IL1RAPL2: variants seen among roughly 807,000 people sequenced by gnomAD.
IL1RAPL2 encodes interleukin 1 receptor accessory protein like 2.
A neutral mutation model predicts 44.1 loss-of-function variants in IL1RAPL2; 3 were observed. The ratio of observed to expected loss-of-function variants is 0.07; its 90% confidence interval spans 0.03 to 0.18. The LOEUF is 0.18. Ranked by LOEUF, IL1RAPL2 falls within the 10% of genes least tolerant of loss-of-function variation. The probability of loss-of-function intolerance (pLI) is 1.00; values close to 1 mark genes in which losing one functional copy is unlikely to be tolerated. For synonymous variants in IL1RAPL2, 181 were observed against 178.8 expected (o/e 1.01, Z -0.10); for missense variants, 391 against 496.4 (o/e 0.79, Z 2.02).
At chrX:105,739,781 C>A (rs2038482822) in intron 7 of IL1RAPL2, among the ~76,000 whole-genome samples, 1 of 98,737 alleles carries the variant, frequency 1.0e-5, no homozygotes, top group African/African-American at 3.7e-5. Context: ...CAAGTCTTTG[C>A]TATTGTGAAT....
At chrX:105,447,889 AAT>A (rs1185844070) in intron 5 of IL1RAPL2, among the ~76,000 whole-genome samples, 1 of 94,887 alleles carries the variant, frequency 1.1e-5, no homozygotes. Context: ...TAAATATATA[AAT>A]ATATATAAAT....
intron 1 of IL1RAPL2, among the ~76,000 whole-genome samples, chrX:104,591,570 A>G (rs966635702): frequency 2.7e-5 from 3 of 109,941 alleles, no homozygotes; most frequent in African/African-American, 6.6e-5. Context: ...GTATAAGGCA[A>G]TTGTGTTGGT....
At chrX:104,919,599 T>A (rs1221001363) in intron 2 of IL1RAPL2, among the ~76,000 whole-genome samples, 3 of 104,840 alleles carry the variant, frequency 2.9e-5, no homozygotes, top group African/African-American at 3.5e-5. Flanking sequence ...GGTGCGATCT[T>A]GGCTCACTGC....
intron 6 of IL1RAPL2, among the ~76,000 whole-genome samples, chrX:105,609,695 T>G (rs1280833289): frequency 9.1e-6 from 1 of 110,258 alleles, no homozygotes. Flanking sequence ...AGCGAGTGAG[T>G]GATGAAGAGG....
chrX:105,362,630 C>T (rs919830266), intron 5 of IL1RAPL2, among the ~76,000 whole-genome samples: 1 of 110,587 alleles, frequency 9.0e-6, no homozygotes, highest in Non-Finnish European at 1.9e-5. Context: ...ACTAAAATAT[C>T]GCTTATGCCT....
intron 4 of IL1RAPL2, among the ~76,000 whole-genome samples, chrX:105,256,304 A>G (rs1389281909): frequency 9.2e-6 from 1 of 108,471 alleles, no homozygotes; most frequent in Admixed American, 9.9e-5. Flanking sequence ...TTTGGTGGAT[A>G]GGCTATTTAT....
rs376325672 is a variant in IL1RAPL2 at position 105,133,828 on chromosome X, T to C, written c.83-61647T>C. Among the ~76,000 whole-genome samples the C allele has an allele frequency of 2.0e-4, 22 of 110,765 alleles. 1 individual carries two copies. The East Asian group carries it at 2.9e-3, about 15-fold the overall frequency. ...AATCTCATTCATGAAGAATTTACCC[T>C]CATGACCTAATCACCTCCCAAAGAC... On this transcript the variant is annotated intron_variant, in intron 2 of 10. Coordinates refer to ENST00000372582, the MANE Select transcript of IL1RAPL2 (RefSeq NM_017416.2).
intron 5 of IL1RAPL2, among the ~76,000 whole-genome samples, chrX:105,418,469 A>T (rs2035750357): frequency 9.0e-6 from 1 of 111,153 alleles, no homozygotes; most frequent in South Asian, 3.8e-4. Context: ...TTCCGTGAGC[A>T]TCCAGCACAG....
chrX:104,936,747 A>G (rs1925037443), intron 2 of IL1RAPL2, among the ~76,000 whole-genome samples: 1 of 107,314 alleles, frequency 9.3e-6, no homozygotes, highest in Admixed American at 1.0e-4. Flanking sequence ...CTCAGCCTAC[A>G]GGCACCCGCC....
rs201558481 is a variant in IL1RAPL2 at position 104,658,937 on chromosome X, C to G, written c.24C>G (p.Ala8=). MKPPFLL[A]LVVCSVVSTN... ...GGATGAAGCCACCATTTCTTTTGGC[C>G]CTTGTGGTCTGTTCTGTAGTCAGCA... Residue 8 remains alanine (A), a synonymous_variant, in exon 2 of 11, where the codon GCC becomes GCG. Transcript: ENST00000372582. 8.3e-7 allele frequency: 1 copy of G among 1,205,577 alleles called. No homozygotes were observed. The highest frequency in any genetic ancestry group is 1.1e-6 in the Non-Finnish European group (1 of 892,342).
chrX:104,582,874 C>T (rs201958616), intron 1 of IL1RAPL2, among the ~76,000 whole-genome samples: 4 of 16,478 alleles, frequency 2.4e-4, no homozygotes, highest in African/African-American at 1.2e-3. Context: ...CTTTCTTTTT[C>T]TTTTCTTTTC....
chrX:104,671,034 C>G (rs988692069), intron 2 of IL1RAPL2, among the ~76,000 whole-genome samples: 12 of 110,517 alleles, frequency 1.1e-4, no homozygotes, highest in African/African-American at 3.9e-4. Flanking sequence ...CATACAAGAC[C>G]CTTAATTTAT....
chrX:104,895,464 C>A (rs1923614666), intron 2 of IL1RAPL2, among the ~76,000 whole-genome samples: 1 of 112,712 alleles, frequency 8.9e-6, no homozygotes, highest in Non-Finnish European at 1.9e-5. Context: ...CTTTGTTTAC[C>A]TACTCAAGCC....
chrX:105,560,969 C>T (rs1260139291), intron 6 of IL1RAPL2, among the ~76,000 whole-genome samples: 1 of 110,984 alleles, frequency 9.0e-6, no homozygotes, highest in Non-Finnish European at 1.9e-5. Flanking sequence ...AAATTCCTGT[C>T]GTTCACAGCA....
intron 5 of IL1RAPL2, among the ~76,000 whole-genome samples, chrX:105,361,241 A>G (rs1366423758): frequency 9.0e-6 from 1 of 111,354 alleles, no homozygotes; most frequent in African/African-American, 3.3e-5. Flanking sequence ...ATGCTGATAT[A>G]AGGGGGAAAT....
At chrX:105,379,369 C>T (rs2035412115) in intron 5 of IL1RAPL2, among the ~76,000 whole-genome samples, 1 of 111,399 alleles carries the variant, frequency 9.0e-6, no homozygotes, top group Non-Finnish European at 1.9e-5. Flanking sequence ...AGAAAGTTAG[C>T]CTTTGAAGGA....
chrX:105,344,328 C>T (rs2035094207), intron 5 of IL1RAPL2, among the ~76,000 whole-genome samples: 1 of 111,984 alleles, frequency 8.9e-6, no homozygotes, highest in Non-Finnish European at 1.9e-5. Flanking sequence ...TGAATTTCTG[C>T]TTAGCTAGTT....
intron 2 of IL1RAPL2, among the ~76,000 whole-genome samples, chrX:104,971,064 G>A (rs1021898276): frequency 2.7e-5 from 3 of 112,036 alleles, no homozygotes; most frequent in Non-Finnish European, 3.8e-5. Flanking sequence ...AAGGCCCTAC[G>A]AGGCCGGGCA....
chrX:105,146,610 TC>T (rs1208364712), intron 2 of IL1RAPL2, among the ~76,000 whole-genome samples: 1 of 111,837 alleles, frequency 8.9e-6, no homozygotes, highest in African/African-American at 3.2e-5. Context: ...AGTGTACACT[TC>T]AGTGATCTTT....
Sources: allele counts gnomAD v4.1 joint callset (sites outside exome capture counted in the v4.1 genomes callset), GRCh38; gene constraint gnomAD v4.1.1; transcripts MANE v1.5; gene names NCBI Gene and HGNC (gene_info 2026-07-23, HGNC 2026-07-21).